Variants in MYEF2 observed in about 807,000 individuals in gnomAD.
MYEF2 encodes myelin expression factor 2.
A neutral mutation model predicts 75.2 loss-of-function variants in MYEF2; 37 were observed. The ratio of observed to expected loss-of-function variants is 0.49; its 90% CI spans 0.38 to 0.65. The LOEUF (loss-of-function observed/expected upper bound fraction) is 0.65. Among genes scored for constraint, MYEF2 ranks in the 30% least tolerant of loss-of-function variants. The pLI is 0.00. For synonymous variants in MYEF2, 195 were observed against 241.6 expected (o/e 0.81, Z 1.79); for missense variants, 634 against 771.4 (o/e 0.82, Z 2.11).
chr15:48,136,871 G>A lies in MYEF2; in HGVS notation c.*6037C>T, dbSNP rs556950130. The A allele has an allele frequency of 1.6e-5, 26 of 1,613,778 alleles. No homozygotes were observed. Among genetic ancestry groups the A allele is most frequent in the African/African-American group, 2.7e-5 (2 of 75,000 alleles). On this transcript the variant is annotated 3_prime_UTR_variant, in exon 17 of 17. Transcript: ENST00000324324. ...GATGAAGGTCAACCATTCATTCGTC[G>A]GCAATCAAGAACTGATAGTGGAATA...
intron 1 of MYEF2, 47 bp downstream of exon 1, chr15:48,178,030 C>T: frequency 6.4e-7 from 1 of 1,554,266 alleles, no homozygotes; most frequent in Non-Finnish European, 8.7e-7. Context: ...GCCCGGTAGA[C>T]TCCCCGCCCC....
chr15:48,136,912 G>C lies in MYEF2; in HGVS notation c.*5996C>G. On this transcript the variant is annotated 3_prime_UTR_variant, in exon 17 of 17. Coordinates refer to ENST00000324324, the MANE Select transcript of MYEF2 (RefSeq NM_016132.5). ...TAGTGGAATATTTTATGAAGATTCT[G>C]GCTACTCTCAGCTCTCTATAAGTTT... The C allele has an allele frequency of 6.2e-7, 1 of 1,613,710 alleles. No homozygotes were observed. The highest frequency in any genetic ancestry group is 8.5e-7 in the Non-Finnish European group (1 of 1,179,760).
chr15:48,174,414 A>C (rs1252827414), intron 1 of MYEF2, among the ~76,000 whole-genome samples: 1 of 151,270 alleles, frequency 6.6e-6, no homozygotes, highest in African/African-American at 2.4e-5. Flanking sequence ...TTGATATGAC[A>C]CCAAAAGCAC....
chr15:48,165,856 A>G (rs1567268324), intron 5 of MYEF2, 77 bp downstream of exon 5: 2 of 1,110,946 alleles, frequency 1.8e-6, no homozygotes, highest in Non-Finnish European at 2.6e-6. Context: ...TCAGGCAAAT[A>G]TATTACCAAA....
Position 48,139,513 on chromosome 15 carries a change from T to G in MYEF2, c.*3395A>C. 1 of 163,038 alleles carries G rather than the reference T, an allele frequency of 6.1e-6. No homozygotes were observed. Among genetic ancestry groups the G allele is most frequent in the Non-Finnish European group, 1.3e-5 (1 of 78,596 alleles). 10.1% of individuals were successfully genotyped at this position (163,038 alleles called of 1,614,324 possible). A position where few individuals can be genotyped will look rare whatever the true frequency, so the allele number is the denominator to read the frequency against. The stretch of plus-strand genomic sequence containing the variant: ...AATAAACTCTTTATATTGAATTCCA[T>G]TCCATAATAAAAAAAAAAAAGAACA... On this transcript the variant is annotated 3_prime_UTR_variant, in exon 17 of 17. Coordinates refer to ENST00000324324, the MANE Select transcript of MYEF2 (RefSeq NM_016132.5).
chr15:48,156,912 C>T (rs1028024590), intron 9 of MYEF2, among the ~76,000 whole-genome samples: 2 of 152,152 alleles, frequency 1.3e-5, no homozygotes, highest in Admixed American at 1.3e-4. Flanking sequence ...GATAAATACT[C>T]TATCCATAAG....
chr15:48,176,031 T>A (rs1040023053), intron 1 of MYEF2, among the ~76,000 whole-genome samples: 2 of 152,002 alleles, frequency 1.3e-5, no homozygotes, highest in African/African-American at 4.8e-5. Flanking sequence ...TGGATTAACC[T>A]CAGCAAATAT....
chr15:48,141,420 T>A lies in MYEF2; in HGVS notation c.*1488A>T. 2.9e-6 allele frequency: 1 copy of A among 339,940 alleles called. No individual in the cohort carries two copies. Among genetic ancestry groups the A allele is most frequent in the Non-Finnish European group, 5.5e-6 (1 of 181,102 alleles). 21.1% of individuals were successfully genotyped at this position (339,940 alleles called of 1,614,324 possible). A position where few individuals can be genotyped will look rare whatever the true frequency, so the allele number is the denominator to read the frequency against. The stretch of plus-strand genomic sequence containing the variant: ...GGTGAAACCCAGTCTCTACTAAAAA[T>A]ACAAAAATTAGCCGGGCGTGGTGGC... On this transcript the variant is annotated 3_prime_UTR_variant, in exon 17 of 17. Coordinates refer to ENST00000324324, the MANE Select transcript of MYEF2 (RefSeq NM_016132.5).
At chr15:48,160,192 A>G (rs2039882381) in intron 5 of MYEF2, among the ~76,000 whole-genome samples, 1 of 152,160 alleles carries the variant, frequency 6.6e-6, no homozygotes, top group Non-Finnish European at 1.5e-5. Context: ...TGGAATGCCA[A>G]ATTCAGACTA....
rs567102663 is a variant in MYEF2, at chr15:48,178,163, C to T, written c.75G>A (p.Pro25=). ...GCGGCTCTCGCCGCGGCTCGCCCGGCGGCTCTGCGGGCTGCAGGTGCGGGC... is the reference window on the plus strand; with the variant it reads ...GCGGCTCTCGCCGCGGCTCGCCCGGTGGCTCTGCGGGCTGCAGGTGCGGGC... ...GDSPHLQPAE[P]PGEPRREPHP... Residue 25 remains proline, a synonymous_variant, in exon 1 of 17, where the codon CCG becomes CCA. Transcript: ENST00000324324. 9.0e-6 allele frequency: 14 copies of T among 1,554,168 alleles called. No homozygotes were observed. In the East Asian group the frequency reaches 3.2e-4, roughly 36 times the overall value.
Position 48,141,214 on chromosome 15 carries a change from G to A in MYEF2, c.*1694C>T. ...TGCAAGTGTGTTGGTTGCAAGAAAA[G>A]GTAAGAACTAGGTCCCTCAAGCTGC... On this transcript the variant is annotated 3_prime_UTR_variant, in exon 17 of 17. Transcript: ENST00000324324. 6.2e-7 allele frequency: 1 copy of A among 1,609,122 alleles called. No individual in the cohort carries two copies. Among genetic ancestry groups the A allele is most frequent in the South Asian group, 1.1e-5 (1 of 90,960 alleles).
At position 48,142,541 on chromosome 15, in the gene MYEF2, T is replaced by C. The variant is rs1183306701; in HGVS notation, c.*367A>G. 3.9e-6 allele frequency: 2 copies of C among 513,038 alleles called. No homozygotes were observed. Among genetic ancestry groups the C allele is most frequent in the Non-Finnish European group, 6.5e-6 (2 of 305,398 alleles). The allele number at this position is 513,038 out of a possible 1,614,324, so 31.8% of individuals were successfully genotyped here. On this transcript the variant is annotated 3_prime_UTR_variant, in exon 17 of 17. Coordinates refer to ENST00000324324, the MANE Select transcript of MYEF2 (RefSeq NM_016132.5). ...TCTTTTCATGAAAAATTACATATTA[T>C]AAAACAGAAGTTTGGGGGGAAAAAA...
chr15:48,139,011 G>T lies in MYEF2; in HGVS notation c.*3897C>A, dbSNP rs777788775. The T allele has an allele frequency of 3.7e-6, 6 of 1,612,736 alleles. No homozygotes were observed. The highest frequency in any genetic ancestry group is 1.7e-5 in the Admixed American group (1 of 59,954). ...AACATGCCTGAAGCAGACTTAAAAA[G>T]AATTTTTTGGGTATTATCCCTTCCT... On this transcript the variant is annotated 3_prime_UTR_variant, in exon 17 of 17. Transcript: ENST00000324324.
chr15:48,173,746 A>C (rs2040418901), intron 1 of MYEF2, among the ~76,000 whole-genome samples: 1 of 152,138 alleles, frequency 6.6e-6, no homozygotes, highest in South Asian at 2.1e-4. Context: ...AATCTCATTT[A>C]AAATAGCATC....
At chr15:48,167,524 A>G (rs1013075056) in intron 2 of MYEF2, 123 bp from the exon 3 acceptor site, 2 of 756,782 alleles carry the variant, frequency 2.6e-6, no homozygotes, top group Non-Finnish European at 4.3e-6. Flanking sequence ...AACAATCAAA[A>G]CCAGACCAAC....
intron 5 of MYEF2, among the ~76,000 whole-genome samples, chr15:48,163,080 G>C (rs1178305220): frequency 2.0e-5 from 3 of 152,166 alleles, no homozygotes; most frequent in Non-Finnish European, 4.4e-5. Flanking sequence ...TTGCATCGAA[G>C]TTCCTGAAGG....
chr15:48,152,269 C>T lies in MYEF2; in HGVS notation c.1103G>A (p.Gly368Asp), dbSNP rs1292882392. The T allele has an allele frequency of 1.2e-6, 2 of 1,610,700 alleles. No individual in the cohort carries two copies. The highest frequency in any genetic ancestry group is 2.7e-5 in the African/African-American group (2 of 74,730). ...TCTATTCATTCCTCCAAAACCTGGACCATCCATTCCCATACCTCAAATAAA... is the reference window on the plus strand; with the variant it reads ...TCTATTCATTCCTCCAAAACCTGGATCATCCATTCCCATACCTCAAATAAA... ...NLGPGGMGMD[G>D]PGFGGMNRIG... Residue 368 changes from glycine (G) to aspartate (D), a missense_variant, in exon 11 of 17, where the codon GGT (glycine) becomes GAT (aspartate). Physicochemically the swap from Gly to Asp is moderately conservative, Grantham distance 94. Coordinates refer to ENST00000324324, the MANE Select transcript of MYEF2 (RefSeq NM_016132.5).
chr15:48,140,853 G>A lies in MYEF2; in HGVS notation c.*2055C>T. 2.9e-6 allele frequency: 1 copy of A among 343,824 alleles called. No individual in the cohort carries two copies. Among genetic ancestry groups the A allele is most frequent in the Non-Finnish European group, 5.5e-6 (1 of 183,120 alleles). The allele number at this position is 343,824 out of a possible 1,614,324, so 21.3% of individuals were successfully genotyped here. A position where few individuals can be genotyped will look rare whatever the true frequency, so the allele number is the denominator to read the frequency against. ...CATCTTTTGTAAGAATATCAAACAG[G>A]AAAATTTCTCACTGGCAGAATTTTA... On this transcript the variant is annotated 3_prime_UTR_variant, in exon 17 of 17. Transcript: ENST00000324324.
chr15:48,147,450 T>TC (rs1408842506), intron 16 of MYEF2, among the ~76,000 whole-genome samples: 1 of 151,964 alleles, frequency 6.6e-6, no homozygotes, highest in African/African-American at 2.4e-5. Context: ...ATTTTTTTTT[T>TC]CACTCAAACT....
Sources: allele counts gnomAD v4.1 joint callset (sites outside exome capture counted in the v4.1 genomes callset), GRCh38; gene constraint gnomAD v4.1.1; transcripts MANE v1.5; gene names NCBI Gene and HGNC (gene_info 2026-07-23, HGNC 2026-07-21).